NENF: variants seen among roughly 807,000 people sequenced by gnomAD.
NENF encodes neudesin neurotrophic factor.
A neutral mutation model predicts 14.8 loss-of-function variants in NENF; 6 were observed. That is an observed-to-expected ratio of 0.40 (90% CI 0.22 to 0.80). The LOEUF (loss-of-function observed/expected upper bound fraction) is 0.80, where lower values mean the gene tolerates loss of function less well. NENF is among the 30% of genes least tolerant of loss of function. The probability of loss-of-function intolerance (pLI) is 0.34; values close to 1 mark genes in which losing one functional copy is unlikely to be tolerated. For missense variants in NENF, 184 were observed against 212.7 expected, an observed-to-expected ratio of 0.87 and a Z score of 0.84; for synonymous variants, 76 against 95.1, an observed-to-expected ratio of 0.80 and a Z score of 1.17.
chr1:212,433,986 A>G lies in NENF; in HGVS notation c.177+866A>G, dbSNP rs1662565021. 6.6e-6 allele frequency among the ~76,000 whole-genome samples: 1 copy of G among 152,188 alleles called. No homozygotes were observed. Among genetic ancestry groups the G allele is most frequent in the African/African-American group, 2.4e-5 (1 of 41,448 alleles). ...AGGAAACTGAGGCCTGCCACCTGTT[A>G]GTGGTAGAGCAGGAAGAGGCCTGAT... On this transcript the variant is annotated intron_variant, in intron 1 of 3. Coordinates refer to ENST00000366988, the MANE Select transcript of NENF (RefSeq NM_013349.5). The surrounding 1 kb of genome is among the most constrained non-coding windows in gnomAD (Gnocchi z 5.5).
intron 3 of NENF, among the ~76,000 whole-genome samples, 163 bp from the exon 4 acceptor site, chr1:212,445,667 C>A (rs2282435): frequency 0.24 from 35,003 of 148,882 alleles, 3,687 homozygotes; most frequent in Non-Finnish European, 0.27. Flanking sequence ...ACGCCCCCCC[C>A]ACAGCAGTGT....
Position 212,433,050 on chromosome 1 carries a change from G to C in NENF, c.107G>C (p.Arg36Pro). Residue 36 changes from arginine (R) to proline (P), a missense_variant, in exon 1 of 4, where the codon CGC becomes CCC. Coordinates refer to ENST00000366988, the MANE Select transcript of NENF (RefSeq NM_013349.5). This position sits in a 1 kb window ranked among gnomAD's most constrained non-coding sequence, Gnocchi z 5.5. ...LPTARAGQTP[R>P]PAERGPPVRL... ...ACAGCCCGGGCCGGGCAGACACCGCGCCCTGCCGAGCGGGGGCCCCCAGTG... is the reference window on the plus strand; with the variant it reads ...ACAGCCCGGGCCGGGCAGACACCGCCCCCTGCCGAGCGGGGGCCCCCAGTG... The C allele has an allele frequency of 8.4e-7, 1 of 1,189,796 alleles. No homozygotes were observed. The highest frequency in any genetic ancestry group is 1.0e-6 in the Non-Finnish European group (1 of 960,610). 73.7% of individuals were successfully genotyped at this position (1,189,796 alleles called of 1,614,324 possible).
At chr1:212,444,521 G>A (rs1435536566) in intron 3 of NENF, 79 bp downstream of exon 3, 6 of 66,610 alleles carry the variant, frequency 9.0e-5, no homozygotes, top group South Asian at 7.2e-4. Flanking sequence ...TTCTTTTCGT[G>A]TGTGTGTGTG....
chr1:212,444,056 A>AG (rs1343686766), intron 2 of NENF, among the ~76,000 whole-genome samples: 1 of 151,632 alleles, frequency 6.6e-6, no homozygotes, highest in Non-Finnish European at 1.5e-5. Flanking sequence ...TCAAAAAAAA[A>AG]CAACAACAAA....
chr1:212,440,575 G>A (rs1425575307), intron 1 of NENF, among the ~76,000 whole-genome samples: 1 of 152,176 alleles, frequency 6.6e-6, no homozygotes, highest in East Asian at 1.9e-4. Context: ...CCGGTTTGGA[G>A]TAATAAAAGG....
At chr1:212,434,041 C>T (rs529762834) in intron 1 of NENF, among the ~76,000 whole-genome samples, 2 of 152,156 alleles carry the variant, frequency 1.3e-5, no homozygotes, top group Admixed American at 6.5e-5. Flanking sequence ...CCTGGTCTCG[C>T]TAATTCCTGA....
intron 1 of NENF, chr1:212,434,949 G>A (rs1385082442): frequency 6.6e-6 from 1 of 152,426 alleles, no homozygotes; most frequent in Admixed American, 6.5e-5. Flanking sequence ...CTCTGTAGGT[G>A]GAAGGAAGGA....
chr1:212,446,022 A>T lies in NENF; in HGVS notation c.*16A>T. 6.2e-7 allele frequency: 1 copy of T among 1,613,662 alleles called. No homozygotes were observed. ...TGAGTTCTGATGTTCCCCCTGCAGG[A>T]GCAGGTTCTTGGGAGCGTGAGGCAG... On this transcript the variant is annotated 3_prime_UTR_variant, in exon 4 of 4. Transcript: ENST00000366988.
At chr1:212,445,439 AG>A (rs1662763430) in intron 3 of NENF, among the ~76,000 whole-genome samples, 1 of 152,200 alleles carries the variant, frequency 6.6e-6, no homozygotes, top group Non-Finnish European at 1.5e-5. Flanking sequence ...AGAAAGGGGA[AG>A]GTGCCAAATG....
intron 2 of NENF, 105 bp from the exon 3 acceptor site, chr1:212,444,234 T>C (rs1021008625): frequency 6.7e-6 from 4 of 595,824 alleles, no homozygotes; most frequent in Non-Finnish European, 1.1e-5. Flanking sequence ...GCGTGGAGTC[T>C]TTTTTAGGAT....
intron 1 of NENF, among the ~76,000 whole-genome samples, chr1:212,441,956 G>T (rs1386957343): frequency 6.6e-6 from 1 of 152,248 alleles, no homozygotes; most frequent in Non-Finnish European, 1.5e-5. Context: ...GGACTGATAA[G>T]TAATTCATCA....
At chr1:212,443,759 G>A (rs1296401020) in intron 2 of NENF, among the ~76,000 whole-genome samples, 1 of 152,074 alleles carries the variant, frequency 6.6e-6, no homozygotes, top group Admixed American at 6.5e-5. Context: ...AGAACGAGAA[G>A]GGGGCTAGGC....
rs1333176373 is a variant in NENF, at chr1:212,442,614, C to T, written c.227C>T (p.Thr76Ile). The T allele has an allele frequency of 5.0e-6, 8 of 1,613,224 alleles. No individual in the cohort carries two copies. In the South Asian group the frequency reaches 5.5e-5, roughly 11 times the overall value. Residue 76 changes from threonine (T) to isoleucine (I), a missense_variant, in exon 2 of 4, where the codon ACC becomes ATC. Transcript: ENST00000366988. ...LAVKGVVFDVTSGKEFYGRGA... is the reference protein window; with the variant it reads ...LAVKGVVFDVISGKEFYGRGA... ...GTGAAGGGAGTGGTGTTTGATGTCA[C>T]CTCCGGAAAGGGTAAGTGGTGTGGC...
intron 1 of NENF, among the ~76,000 whole-genome samples, chr1:212,435,482 A>G (rs1481290762): frequency 6.6e-6 from 1 of 151,542 alleles, no homozygotes; most frequent in African/African-American, 2.4e-5. Flanking sequence ...CCAAGCCGCT[A>G]GTATTACAGG....
At chr1:212,439,855 G>A (rs1239993083) in intron 1 of NENF, among the ~76,000 whole-genome samples, 6 of 151,560 alleles carry the variant, frequency 4.0e-5, no homozygotes, top group Admixed American at 3.3e-4. Flanking sequence ...GCTAGACTCC[G>A]TCCCCCCCCC....
intron 1 of NENF, 62 bp from the exon 2 acceptor site, chr1:212,442,503 T>C (rs1326555529): frequency 3.2e-6 from 4 of 1,258,448 alleles, no homozygotes; most frequent in Non-Finnish European, 4.7e-6. Context: ...AAGATTTTAC[T>C]AAGTTGCACT....
In NENF at chr1:212,433,047, C is replaced by A; in HGVS notation, c.104C>A (p.Pro35Gln). Residue 35 changes from proline to glutamine, a missense_variant, in exon 1 of 4, where the codon CCG (proline) becomes CAG (glutamine). By Grantham distance (76) the Pro-to-Gln change is moderately conservative (BLOSUM62 -1). Coordinates refer to ENST00000366988, the MANE Select transcript of NENF (RefSeq NM_013349.5). This position sits in a 1 kb window ranked among gnomAD's most constrained non-coding sequence, Gnocchi z 5.5. ...CCCACAGCCCGGGCCGGGCAGACACCGCGCCCTGCCGAGCGGGGGCCCCCA... is the reference window on the plus strand; with the variant it reads ...CCCACAGCCCGGGCCGGGCAGACACAGCGCCCTGCCGAGCGGGGGCCCCCA... ...GLPTARAGQT[P>Q]RPAERGPPVR... The A allele has an allele frequency of 1.7e-6, 2 of 1,188,950 alleles. No homozygotes were observed. Among genetic ancestry groups the A allele is most frequent in the Non-Finnish European group, 1.0e-6 (1 of 960,078 alleles). The allele number at this position is 1,188,950 out of a possible 1,614,324, so 73.7% of individuals were successfully genotyped here. A position where few individuals can be genotyped will look rare whatever the true frequency, so the allele number is the denominator to read the frequency against.
rs775316828 is a variant in NENF, at chr1:212,444,360, C to T, written c.260C>T (p.Pro87Leu). Residue 87 changes from proline to leucine, a missense_variant, in exon 3 of 4, where the codon CCC becomes CTC. Transcript: ENST00000366988. ...SGKEFYGRGA[P>L]YNALTGKDST... ...ACAGAGTTTTATGGACGAGGAGCCC[C>T]CTACAATGCCTTGACGGGGAAGGAC... is the stretch of plus-strand genomic sequence containing the variant. 5.4e-5 allele frequency: 87 copies of T among 1,604,804 alleles called. No homozygotes were observed. Among genetic ancestry groups the T allele is most frequent in the Non-Finnish European group, 7.1e-5 (83 of 1,174,830 alleles).
intron 1 of NENF, among the ~76,000 whole-genome samples, chr1:212,437,117 G>C (rs1209253351): frequency 2.6e-5 from 4 of 152,102 alleles, no homozygotes. Context: ...ATTATAACAG[G>C]TCCACGGTCC....
Sources: allele counts gnomAD v4.1 joint callset (sites outside exome capture counted in the v4.1 genomes callset), GRCh38; gene constraint gnomAD v4.1.1; non-coding constraint Gnocchi (gnomAD v3.1); transcripts MANE v1.5; gene names NCBI Gene and HGNC (gene_info 2026-07-23, HGNC 2026-07-21).